Variants in SNAP91 observed in about 807,000 individuals in gnomAD.
The protein encoded by SNAP91 is clathrin coat assembly protein AP180.
Under a neutral mutation model 100.3 loss-of-function variants are expected in SNAP91, and 27 were observed. The ratio of observed to expected loss-of-function variants is 0.27; its 90% CI spans 0.20 to 0.37. SNAP91 has a LOEUF of 0.37. Among genes scored for constraint, SNAP91 ranks in the 10% least tolerant of loss-of-function variants. SNAP91 has a pLI of 1.00. For missense variants in SNAP91, 986 were observed against 1,123.7 expected (o/e 0.88, Z 1.75); for synonymous variants, 404 against 398.6 (o/e 1.01, Z -0.16).
At chr6:83,671,365 C>A (rs997789869) in intron 2 of SNAP91, among the ~76,000 whole-genome samples, 1 of 152,028 alleles carries the variant, frequency 6.6e-6, no homozygotes, top group African/African-American at 2.4e-5. Flanking sequence ...TGAAACTCTG[C>A]TAAACTTCCT....
intron 7 of SNAP91, among the ~76,000 whole-genome samples, chr6:83,649,777 TG>T (rs2098119399): frequency 6.6e-6 from 1 of 150,972 alleles, no homozygotes; most frequent in African/African-American, 2.4e-5. Flanking sequence ...TTAGTAGAGA[TG>T]GGGTTTCACC....
chr6:83,685,782 G>T (rs543447528), intron 2 of SNAP91, among the ~76,000 whole-genome samples: 1 of 152,278 alleles, frequency 6.6e-6, no homozygotes, highest in African/African-American at 2.4e-5. Context: ...TCTTTGAGCT[G>T]ATCATTCTTT....
At position 83,648,801 on chromosome 6, in the gene SNAP91, C is replaced by T. The variant is rs146326752; in HGVS notation, c.659-7599G>A. Among the ~76,000 whole-genome samples, 5 of 152,240 alleles carry T rather than the reference C, an allele frequency of 3.3e-5. No individual in the cohort carries two copies. The East Asian group carries it at 7.7e-4, about 24-fold the overall frequency. On this transcript the variant is annotated intron_variant, in intron 7 of 29. Transcript: ENST00000369694. ...CAAATCTTTTGTACATTATAAAAAT[C>T]GAGTTGTCTTCATTACTGAGTTCTT...
chr6:83,603,089 T>C (rs1039137023), intron 14 of SNAP91, among the ~76,000 whole-genome samples: 9 of 152,214 alleles, frequency 5.9e-5, no homozygotes, highest in Non-Finnish European at 1.2e-4. Flanking sequence ...AGTGTAGTGA[T>C]GACCAGCATA....
intron 2 of SNAP91, among the ~76,000 whole-genome samples, chr6:83,672,809 T>A (rs1208001194): frequency 6.6e-6 from 1 of 152,228 alleles, no homozygotes; most frequent in Non-Finnish European, 1.5e-5. Context: ...TTCATTGTTA[T>A]GTATACTTTT....
At chr6:83,661,461 C>T in intron 5 of SNAP91, 41 bp downstream of exon 5, 1 of 1,271,716 alleles carries the variant, frequency 7.9e-7, no homozygotes, top group Admixed American at 2.1e-5. Context: ...GCCTCAAAGA[C>T]TTATTCTCCT....
At chr6:83,578,460 A>G (rs1482812040) in intron 24 of SNAP91, among the ~76,000 whole-genome samples, 1 of 152,164 alleles carries the variant, frequency 6.6e-6, no homozygotes, top group Non-Finnish European at 1.5e-5. Flanking sequence ...TCACTGATGA[A>G]TAATGGTGAG....
intron 8 of SNAP91, among the ~76,000 whole-genome samples, chr6:83,630,587 G>C (rs1023320371): frequency 1.3e-5 from 2 of 151,986 alleles, no homozygotes; most frequent in Non-Finnish European, 2.9e-5. Flanking sequence ...TATCTTTCCA[G>C]AAATTAATCC....
intron 8 of SNAP91, among the ~76,000 whole-genome samples, chr6:83,627,173 C>A (rs1475879810): frequency 2.0e-5 from 3 of 152,054 alleles, no homozygotes; most frequent in Non-Finnish European, 2.9e-5. Flanking sequence ...ATATGTTGAA[C>A]CAACCTTGCA....
At chr6:83,707,737 C>A in intron 2 of SNAP91, 61 bp downstream of exon 2, 1 of 1,599,106 alleles carries the variant, frequency 6.3e-7, no homozygotes, top group South Asian at 1.1e-5. Flanking sequence ...GCAGGCCGCA[C>A]CACCAGCATC....
At chr6:83,697,065 T>C (rs1477289349) in intron 2 of SNAP91, among the ~76,000 whole-genome samples, 1 of 152,132 alleles carries the variant, frequency 6.6e-6, no homozygotes, top group Non-Finnish European at 1.5e-5. Context: ...AAGTTTTAGG[T>C]TAATCTTGCC....
At chr6:83,701,447 CT>C (rs1243379831) in intron 2 of SNAP91, among the ~76,000 whole-genome samples, 3,136 of 141,036 alleles carry the variant, frequency 0.022, 80 homozygotes, top group African/African-American at 0.066. Context: ...ATCAAAAATT[CT>C]TTTTTTTTTT....
At chr6:83,626,661 AGTT>A (rs1220745974) in intron 8 of SNAP91, among the ~76,000 whole-genome samples, 3 of 151,860 alleles carry the variant, frequency 2.0e-5, no homozygotes, top group African/African-American at 7.2e-5. Context: ...TCAGATTGGA[AGTT>A]ATTAGTGCAT....
Position 83,576,072 on chromosome 6 carries a change from A to G in SNAP91, c.2300-19T>C. ...CCAAGATCTATAAATGGATAAAAGA[A>G]AAAAGAATGTAAATCTCTACACTCA... On this transcript the variant is annotated intron_variant, in intron 24 of 29. Coordinates refer to ENST00000369694, the MANE Select transcript of SNAP91 (RefSeq NM_001242792.2). The G allele has an allele frequency of 8.0e-7, 1 of 1,242,286 alleles. No homozygotes were observed. The highest frequency in any genetic ancestry group is 1.5e-5 in the African/African-American group (1 of 65,292). 77.0% of individuals were successfully genotyped at this position (1,242,286 alleles called of 1,614,324 possible).
intron 26 of SNAP91, among the ~76,000 whole-genome samples, chr6:83,572,421 A>AT (rs58013273): frequency 0.065 from 9,813 of 150,632 alleles, 1,063 homozygotes; most frequent in African/African-American, 0.23. Context: ...AAAGTTTTGC[A>AT]TTTTTTTTTG....
intron 26 of SNAP91, among the ~76,000 whole-genome samples, chr6:83,564,037 G>A (rs1169277070): frequency 1.3e-5 from 2 of 152,032 alleles, no homozygotes; most frequent in African/African-American, 4.8e-5. Context: ...AGAGAACCAG[G>A]ATAGCCAAAA....
At chr6:83,688,500 A>G (rs2099089812) in intron 2 of SNAP91, among the ~76,000 whole-genome samples, 2 of 143,554 alleles carry the variant, frequency 1.4e-5, no homozygotes, top group South Asian at 4.3e-4. Flanking sequence ...TCAGCCAAAC[A>G]TCACTTTTTT....
chr6:83,677,101 T>G lies in SNAP91; in HGVS notation c.131-11520A>C, dbSNP rs2098919596. 2.0e-5 allele frequency among the ~76,000 whole-genome samples: 3 copies of G among 152,184 alleles called. No individual in the cohort carries two copies. The South Asian group carries it at 6.2e-4, about 32-fold the overall frequency. ...CGTGCTTGTATCTAGTTCATGTTTCTCTTTCCACCCACTTCCACCTAGTTG... is the reference window on the plus strand; with the variant it reads ...CGTGCTTGTATCTAGTTCATGTTTCGCTTTCCACCCACTTCCACCTAGTTG... On this transcript the variant is annotated intron_variant, in intron 2 of 29. Coordinates refer to ENST00000369694, the MANE Select transcript of SNAP91 (RefSeq NM_001242792.2).
At chr6:83,686,613 AG>A (rs2099064919) in intron 2 of SNAP91, among the ~76,000 whole-genome samples, 1 of 152,218 alleles carries the variant, frequency 6.6e-6, no homozygotes, top group South Asian at 2.1e-4. Context: ...TATATTATCT[AG>A]TGCTTTAGGT....
Sources: allele counts gnomAD v4.1 joint callset (sites outside exome capture counted in the v4.1 genomes callset), GRCh38; gene constraint gnomAD v4.1.1; transcripts MANE v1.5; gene names NCBI Gene and HGNC (gene_info 2026-07-23, HGNC 2026-07-21).